The following LAX1 variants were observed in gnomAD, a reference collection of about 807,000 sequenced individuals.
LAX1 encodes lymphocyte transmembrane adaptor 1, also known as lymphocyte transmembrane adapter 1.
LAX1 carries 17 observed loss-of-function variants against 20.7 expected under a neutral mutation model. The observed-to-expected ratio is 0.82, with a 90% CI of 0.56 to 1.23. The LOEUF is 1.23. Among genes scored for constraint, LAX1 ranks in the 50% most tolerant of loss-of-function variants. The pLI, the probability that LAX1 is intolerant of heterozygous loss-of-function variation, is 0.00. For synonymous variants in LAX1, 165 were observed against 181.0 expected, an observed-to-expected ratio of 0.91 and a Z score of 0.71; for missense variants, 470 against 487.0, an observed-to-expected ratio of 0.97 and a Z score of 0.33.
In LAX1 at chr1:203,774,290, T is replaced by A. The variant is rs1230023560; in HGVS notation, c.806T>A (p.Val269Asp). The part of the protein sequence containing the change: ...EGSSQISNDY[V>D]NMTGLDLSAI... ...TCTTCTCAGATCTCAAATGACTATGTCAACATGACAGGGTTGGATCTCAGT... is the reference window on the plus strand; with the variant it reads ...TCTTCTCAGATCTCAAATGACTATGACAACATGACAGGGTTGGATCTCAGT... The change falls in exon 5 of 5, where the codon GTC becomes GAC. Residue 269 changes from valine to aspartate, a missense_variant. By Grantham distance (152) the Val-to-Asp change is radical (BLOSUM62 -3). Transcript: ENST00000442561. 4 of 1,614,056 alleles carry A rather than the reference T, an allele frequency of 2.5e-6. No homozygotes were observed. The African/African-American group carries it at 5.3e-5, about 22-fold the overall frequency.
intron 1 of LAX1, among the ~76,000 whole-genome samples, chr1:203,767,288 T>C (rs1359645229): frequency 6.7e-6 from 1 of 148,748 alleles, no homozygotes; most frequent in Admixed American, 6.7e-5. Flanking sequence ...GTAACCACCA[T>C]TCTACTCTCC....
intron 4 of LAX1, among the ~76,000 whole-genome samples, chr1:203,773,330 T>C (rs1255614276): frequency 6.6e-6 from 1 of 152,104 alleles, no homozygotes; most frequent in Non-Finnish European, 1.5e-5. Flanking sequence ...AGGAGGCACC[T>C]GTAATCCCAG....
chr1:203,767,696 CATTT>C (rs1175793856), intron 1 of LAX1, among the ~76,000 whole-genome samples: 1 of 152,160 alleles, frequency 6.6e-6, no homozygotes, highest in Non-Finnish European at 1.5e-5. Flanking sequence ...TATATTAATT[CATTT>C]GTTTATTAAT....
At position 203,774,239 on chromosome 1, in the gene LAX1, G is replaced by C; in HGVS notation, c.755G>C (p.Ser252Thr). The C allele has an allele frequency of 6.2e-7, 1 of 1,614,174 alleles. No individual in the cohort carries two copies. ...TTGTATTCTCCAGGAGCTGAGGACA[G>C]TGATTCACTCAGCAATGGAGAAGGT... ...TSLYSPGAED[S>T]DSLSNGEGSS... Residue 252 changes from serine to threonine, a missense_variant, in exon 5 of 5, where the codon AGT becomes ACT. Ser to Thr is a moderately conservative substitution (Grantham distance 58). Transcript: ENST00000442561.
chr1:203,766,170 T>C (rs569371954), intron 1 of LAX1, among the ~76,000 whole-genome samples: 2 of 152,286 alleles, frequency 1.3e-5, no homozygotes, highest in Admixed American at 6.5e-5. Context: ...CATCCACAGT[T>C]GAAACTTTAA....
In LAX1 at chr1:203,765,196, T is replaced by A; in HGVS notation, c.-370T>A. 1.5e-6 allele frequency: 1 copy of A among 678,064 alleles called. No homozygotes were observed. The highest frequency in any genetic ancestry group is 1.8e-5 in the South Asian group (1 of 55,628). 42.0% of individuals were successfully genotyped at this position (678,064 alleles called of 1,614,324 possible). On this transcript the variant is annotated 5_prime_UTR_variant, in exon 1 of 5. Transcript: ENST00000442561. ...TTTGCTCTTTTCACTCTGCTTTGGG[T>A]GTTGAAGGAAGACGAGCTTCTCACG...
At chr1:203,769,583 T>C (rs1667368670) in intron 1 of LAX1, 1 of 152,162 alleles carries the variant, frequency 6.6e-6, no homozygotes. Flanking sequence ...GTAACTTCAG[T>C]TGGCAGCTTC....
chr1:203,770,459 AAGGAAGGAAGG>A (rs1667389769), intron 1 of LAX1, among the ~76,000 whole-genome samples: 6 of 10,548 alleles, frequency 5.7e-4, no homozygotes, highest in Non-Finnish European at 2.4e-3. Flanking sequence ...GAGAGAAAGG[AAGGAAGGAAGG>A]AAGGAAGGAA....
At chr1:203,772,981 A>G (rs1208161397) in intron 4 of LAX1, among the ~76,000 whole-genome samples, 1 of 152,158 alleles carries the variant, frequency 6.6e-6, no homozygotes, top group Non-Finnish European at 1.5e-5. Flanking sequence ...CTGCCAATTG[A>G]TTGTTTTAAC....
At chr1:203,768,640 G>A (rs1263286188) in intron 1 of LAX1, among the ~76,000 whole-genome samples, 1 of 152,196 alleles carries the variant, frequency 6.6e-6, no homozygotes, top group African/African-American at 2.4e-5. Context: ...TCCTCTCTGA[G>A]GAAGGACTAT....
chr1:203,769,453 G>GAAAC (rs1307339749), intron 1 of LAX1, among the ~76,000 whole-genome samples: 3 of 109,902 alleles, frequency 2.7e-5, no homozygotes, highest in Admixed American at 9.1e-5. Flanking sequence ...AGGAAAGAAA[G>GAAAC]AAAAGAAAAG....
chr1:203,770,038 G>A lies in LAX1; in HGVS notation c.90-790G>A, dbSNP rs148673499. Reference sequence around the variant, plus strand: ...TCCTTCTCTGCTCCTTCCTACCTAGGTGATCTCTGACATGTTACTTTACCT... The same window carrying A: ...TCCTTCTCTGCTCCTTCCTACCTAGATGATCTCTGACATGTTACTTTACCT... On this transcript the variant is annotated intron_variant, in intron 1 of 4. Coordinates refer to ENST00000442561, the MANE Select transcript of LAX1 (RefSeq NM_017773.4). Among the ~76,000 whole-genome samples the A allele has an allele frequency of 1.7e-3, 266 of 152,248 alleles. 1 individual carries two copies. The highest frequency in any genetic ancestry group is 1.6e-3 in the Admixed American group (24 of 15,274).
Position 203,776,262 on chromosome 1 carries a change from C to T in LAX1, c.*1581C>T, listed in dbSNP as rs1667509554. ...GCATGGTGGTGTGCGCCTGTAGTCC[C>T]AGCTACTAGGAGGCTGAGGCAGGAG... On this transcript the variant is annotated 3_prime_UTR_variant, in exon 5 of 5. Transcript: ENST00000442561. The T allele has an allele frequency of 6.6e-6, 1 of 150,868 alleles. No homozygotes were observed. The highest frequency in any genetic ancestry group is 1.5e-5 in the Non-Finnish European group (1 of 67,888). The allele number at this position is 150,868 out of a possible 1,614,324, so 9.3% of individuals were successfully genotyped here. A position where few individuals can be genotyped will look rare whatever the true frequency, so the allele number is the denominator to read the frequency against.
At chr1:203,770,371 G>A (rs1217482369) in intron 1 of LAX1, among the ~76,000 whole-genome samples, 1 of 131,788 alleles carries the variant, frequency 7.6e-6, no homozygotes, top group East Asian at 2.2e-4. Context: ...AGCTGAGATT[G>A]TGCCACTGCA....
Position 203,770,883 on chromosome 1 carries a change from C to T in LAX1, c.145C>T (p.Leu49Phe), listed in dbSNP as rs775094293. ...CGGGTTTGCGGGACTCCTCGCCATC[C>T]TCCTGGTCGTTGCGGTTTTCTGCAT... ...FSGFAGLLAILLVVAVFCILW... is the reference protein window; with the variant it reads ...FSGFAGLLAIFLVVAVFCILW... The change falls in exon 2 of 5, where the codon CTC becomes TTC. Residue 49 changes from leucine to phenylalanine, a missense_variant. Leu to Phe is a conservative substitution (Grantham distance 22). Transcript: ENST00000442561. 1 of 1,614,224 alleles carries T rather than the reference C, an allele frequency of 6.2e-7. No homozygotes were observed. Among genetic ancestry groups the T allele is most frequent in the Non-Finnish European group, 8.5e-7 (1 of 1,180,040 alleles).
chr1:203,765,212 G>A lies in LAX1; in HGVS notation c.-354G>A, dbSNP rs1032793311. 5 of 753,872 alleles carry A rather than the reference G, an allele frequency of 6.6e-6. No individual in the cohort carries two copies. Among genetic ancestry groups the A allele is most frequent in the Non-Finnish European group, 1.1e-5 (5 of 451,696 alleles). 46.7% of individuals were successfully genotyped at this position (753,872 alleles called of 1,614,324 possible). A position where few individuals can be genotyped will look rare whatever the true frequency, so the allele number is the denominator to read the frequency against. On this transcript the variant is annotated 5_prime_UTR_variant, in exon 1 of 5. Coordinates refer to ENST00000442561, the MANE Select transcript of LAX1 (RefSeq NM_017773.4). ...TGCTTTGGGTGTTGAAGGAAGACGAGCTTCTCACGGAGCCTCTCTTGAGCC... is the reference window on the plus strand; with the variant it reads ...TGCTTTGGGTGTTGAAGGAAGACGAACTTCTCACGGAGCCTCTCTTGAGCC...
chr1:203,775,767 A>G lies in LAX1; in HGVS notation c.*1086A>G, dbSNP rs1667500724. On this transcript the variant is annotated 3_prime_UTR_variant, in exon 5 of 5. Coordinates refer to ENST00000442561, the MANE Select transcript of LAX1 (RefSeq NM_017773.4). ...AAAAAATGAACTCTTGGTTCACACA[A>G]TAATATAGACATATCTTAAATCCAT... is the stretch of plus-strand genomic sequence containing the variant. The G allele has an allele frequency of 6.6e-6, 1 of 152,236 alleles. No homozygotes were observed. Among genetic ancestry groups the G allele is most frequent in the Non-Finnish European group, 1.5e-5 (1 of 68,042 alleles). 9.4% of individuals were successfully genotyped at this position (152,236 alleles called of 1,614,324 possible).
At chr1:203,770,407 C>T (rs1319760269) in intron 1 of LAX1, among the ~76,000 whole-genome samples, 4 of 127,926 alleles carry the variant, frequency 3.1e-5, no homozygotes, top group African/African-American at 8.6e-5. Flanking sequence ...CAGAGAAAGA[C>T]TCCATCAAAA....
In LAX1 at chr1:203,774,135, T is replaced by C. The variant is rs1667469627; in HGVS notation, c.651T>C (p.Phe217=). ...ASTKSPSRNL[F]VLPSTQKLEF... is the part of the protein sequence containing the mutation. ...CCAAAAGCCCTTCCAGAAATCTCTT[T>C]GTTCTTCCCAGTACCCAGAAGCTGG... The change falls in exon 5 of 5, where the codon TTT becomes TTC. Residue 217 remains phenylalanine (F), a synonymous_variant. Coordinates refer to ENST00000442561, the MANE Select transcript of LAX1 (RefSeq NM_017773.4). The C allele has an allele frequency of 6.2e-7, 1 of 1,614,180 alleles. No individual in the cohort carries two copies. The highest frequency in any genetic ancestry group is 8.5e-7 in the Non-Finnish European group (1 of 1,180,038).
Sources: gnomAD v4.1 joint callset for allele counts (sites outside exome capture counted in the v4.1 genomes callset) on GRCh38, gnomAD v4.1.1 for gene constraint, MANE v1.5 for transcripts, NCBI Gene and HGNC (gene_info 2026-07-23, HGNC 2026-07-21) for gene names.